Variants in TBC1D14 observed in about 807,000 individuals in gnomAD.
TBC1D14 encodes TBC1 domain family, member 14.
In TBC1D14, 26 loss-of-function variants were observed where a neutral mutation model predicts 79.0. The ratio of observed to expected loss-of-function variants is 0.33; its 90% CI spans 0.24 to 0.46. The LOEUF is 0.46. Among genes scored for constraint, TBC1D14 ranks in the 20% least tolerant of loss-of-function variants. The probability of loss-of-function intolerance (pLI) is 1.00; values close to 1 mark genes in which losing one functional copy is unlikely to be tolerated. For synonymous variants in TBC1D14, 394 were observed against 349.9 expected (o/e 1.13, Z -1.40); for missense variants, 769 against 887.6 (o/e 0.87, Z 1.70).
At position 6,999,188 on chromosome 4, in the gene TBC1D14, T is replaced by C. The variant is rs745613003; in HGVS notation, c.1149T>C (p.Pro383=). Residue 383 remains proline, a synonymous_variant, in exon 6 of 14, where the codon CCT becomes CCC. Transcript: ENST00000409757. ...TCACCTGGAATAATGAGATCTTACC[T>C]AACTGGGAAACAATGTAAGATGTGG... The part of the protein sequence containing the change: ...AVLTWNNEIL[P]NWETMWCSRK... 2 of 1,613,776 alleles carry C rather than the reference T, an allele frequency of 1.2e-6. No homozygotes were observed. Among genetic ancestry groups the C allele is most frequent in the Admixed American group, 3.3e-5 (2 of 60,020 alleles).
chr4:6,911,612 C>T (rs1047037114), intron 1 of TBC1D14, among the ~76,000 whole-genome samples: 8 of 152,242 alleles, frequency 5.3e-5, no homozygotes, highest in Admixed American at 2.0e-4. Context: ...GCATTGGGTC[C>T]GCTGTCTCCA....
intron 1 of TBC1D14, among the ~76,000 whole-genome samples, chr4:6,922,146 C>A (rs1723919124): frequency 6.6e-6 from 1 of 152,090 alleles, no homozygotes; most frequent in Admixed American, 6.6e-5. Context: ...TTAAACCTCC[C>A]AGGCTCAAGT....
intron 2 of TBC1D14, among the ~76,000 whole-genome samples, chr4:6,959,009 A>C (rs974489411): frequency 4.6e-5 from 7 of 151,672 alleles, no homozygotes. Context: ...TCAGCCTCCC[A>C]AGTAGCTGGG....
chr4:6,939,624 C>A, intron 2 of TBC1D14, among the ~76,000 whole-genome samples: 1 of 152,026 alleles, frequency 6.6e-6, no homozygotes, highest in East Asian at 1.9e-4. Flanking sequence ...AACACACCCA[C>A]TTCTCCCAAA....
chr4:6,957,005 C>G (rs1209989051), intron 2 of TBC1D14, among the ~76,000 whole-genome samples: 1 of 152,256 alleles, frequency 6.6e-6, no homozygotes, highest in Non-Finnish European at 1.5e-5. Context: ...ACAGCTTTGC[C>G]TTTCTTAGGA....
chr4:6,926,153 T>C (rs1724280692), intron 2 of TBC1D14, among the ~76,000 whole-genome samples: 1 of 152,256 alleles, frequency 6.6e-6, no homozygotes, highest in African/African-American at 2.4e-5. Context: ...CGCTCACCTT[T>C]GTCCTCGCAC....
intron 2 of TBC1D14, among the ~76,000 whole-genome samples, chr4:6,958,406 T>A (rs1487261853): frequency 6.1e-5 from 3 of 49,216 alleles, no homozygotes; most frequent in Non-Finnish European, 1.2e-4. Flanking sequence ...CACACACAGA[T>A]ATTACTGAAC....
chr4:7,030,653 G>T lies in TBC1D14; in HGVS notation c.*261G>T. The T allele has an allele frequency of 2.6e-6, 1 of 382,874 alleles. No individual in the cohort carries two copies. The highest frequency in any genetic ancestry group is 3.2e-5 in the South Asian group (1 of 30,802). The allele number at this position is 382,874 out of a possible 1,614,324, so 23.7% of individuals were successfully genotyped here. ...GCATCTGCTGCACAGTTGAACGATG[G>T]GCAGTGGCTCACCCCCACTCCTTTA... On this transcript the variant is annotated 3_prime_UTR_variant, in exon 14 of 14. Coordinates refer to ENST00000409757, the MANE Select transcript of TBC1D14 (RefSeq NM_020773.3).
chr4:6,950,350 A>G (rs974359675), intron 2 of TBC1D14, among the ~76,000 whole-genome samples: 1 of 152,210 alleles, frequency 6.6e-6, no homozygotes, highest in Non-Finnish European at 1.5e-5. Context: ...CTCTGTAGAA[A>G]ATCGTCCTGT....
rs996347746 is a variant in TBC1D14 at position 7,032,695 on chromosome 4, T to C, written c.*2303T>C. 6.6e-6 allele frequency: 1 copy of C among 152,168 alleles called. No individual in the cohort carries two copies. Among genetic ancestry groups the C allele is most frequent in the Non-Finnish European group, 1.5e-5 (1 of 68,046 alleles). 9.4% of individuals were successfully genotyped at this position (152,168 alleles called of 1,614,324 possible). ...TCCCTTAACACCTCGGCACAGAGGC[T>C]GTTGGCAAGTGTAGAGGCTGCCTCT... On this transcript the variant is annotated 3_prime_UTR_variant, in exon 14 of 14. Transcript: ENST00000409757.
intron 2 of TBC1D14, among the ~76,000 whole-genome samples, chr4:6,956,238 A>T (rs922159601): frequency 1.3e-5 from 2 of 152,284 alleles, no homozygotes; most frequent in Middle Eastern, 3.4e-3. Flanking sequence ...CTGCGAACAG[A>T]TGATGCAAGT....
chr4:6,910,799 C>T (rs1722925327), intron 1 of TBC1D14, among the ~76,000 whole-genome samples: 1 of 152,166 alleles, frequency 6.6e-6, no homozygotes, highest in Admixed American at 6.5e-5. Flanking sequence ...CATAGGACGC[C>T]GTTTTCTCTA....
At chr4:7,010,063 T>A in intron 10 of TBC1D14, 115 bp downstream of exon 10, 1 of 1,185,460 alleles carries the variant, frequency 8.4e-7, no homozygotes, top group Non-Finnish European at 1.2e-6. Flanking sequence ...TGCCGAGGAG[T>A]ATGAAAAGTC....
At chr4:6,913,234 A>G (rs982033576) in intron 1 of TBC1D14, among the ~76,000 whole-genome samples, 1 of 152,198 alleles carries the variant, frequency 6.6e-6, no homozygotes, top group Non-Finnish European at 1.5e-5. Context: ...ACTTCAGGTG[A>G]TCCACCTGCC....
intron 2 of TBC1D14, among the ~76,000 whole-genome samples, chr4:6,928,791 G>C (rs1724485073): frequency 6.6e-6 from 1 of 152,208 alleles, no homozygotes; most frequent in South Asian, 2.1e-4. Flanking sequence ...TAAGTGGTTT[G>C]TCCAAGGATA....
At chr4:6,934,106 G>T (rs1429919417) in intron 2 of TBC1D14, among the ~76,000 whole-genome samples, 2 of 152,138 alleles carry the variant, frequency 1.3e-5, no homozygotes, top group Non-Finnish European at 2.9e-5. Context: ...CCTGGCAGGA[G>T]TGGGGCTGGA....
At chr4:6,919,250 T>G (rs1266563046) in intron 1 of TBC1D14, among the ~76,000 whole-genome samples, 2 of 151,772 alleles carry the variant, frequency 1.3e-5, no homozygotes, top group South Asian at 4.2e-4. Flanking sequence ...GGGTTCAAGC[T>G]ATTCTCCTGC....
At chr4:6,962,111 C>G (rs1715265624) in intron 2 of TBC1D14, among the ~76,000 whole-genome samples, 1 of 152,170 alleles carries the variant, frequency 6.6e-6, no homozygotes, top group Non-Finnish European at 1.5e-5. Context: ...CAGGTCTCCT[C>G]TCCCACCTGC....
At chr4:7,023,996 C>T (rs567837816) in intron 12 of TBC1D14, among the ~76,000 whole-genome samples, 2 of 152,298 alleles carry the variant, frequency 1.3e-5, no homozygotes, top group East Asian at 3.9e-4. Context: ...CTGGAACATT[C>T]CTGCTCTCAT....
Sources: gnomAD v4.1 joint callset for allele counts (sites outside exome capture counted in the v4.1 genomes callset) on GRCh38, gnomAD v4.1.1 for gene constraint, MANE v1.5 for transcripts, NCBI Gene and HGNC (gene_info 2026-07-23, HGNC 2026-07-21) for gene names.